Variants in TG observed in about 807,000 individuals in gnomAD.
The protein encoded by TG is thyroid hormones.
In TG, 270 loss-of-function variants were observed where a neutral mutation model predicts 324.7. The observed-to-expected ratio is 0.83, with a 90% CI of 0.75 to 0.92. The LOEUF (loss-of-function observed/expected upper bound fraction) is 0.92, where lower values mean the gene tolerates loss of function less well. TG is among the 40% of genes least tolerant of loss of function. The pLI is 0.00. For missense variants in TG, 3,591 were observed against 3,456.4 expected (o/e 1.04, Z -0.98); for synonymous variants, 1,401 against 1,327.0 (o/e 1.06, Z -1.21).
rs145135247 is a variant in TG, at chr8:133,087,992, G to A, written c.7240-7052G>A. On this transcript the variant is annotated intron_variant, in intron 41 of 47. Coordinates refer to ENST00000220616, the MANE Select transcript of TG (RefSeq NM_003235.5). ...AATTCTTCTTGGAATGAAGTGGGCC[G>A]TACACAGAAGAATGATTAAGAAAGT... 3.0e-4 allele frequency among the ~76,000 whole-genome samples: 45 copies of A among 152,310 alleles called. No homozygotes were observed. The East Asian group carries it at 6.2e-3, about 21-fold the overall frequency.
intron 10 of TG, among the ~76,000 whole-genome samples, chr8:132,890,650 T>A (rs1816098751): frequency 6.6e-6 from 1 of 152,252 alleles, no homozygotes; most frequent in South Asian, 2.1e-4. Flanking sequence ...CTTAGAGTCA[T>A]CTGTAAAATC....
intron 41 of TG, among the ~76,000 whole-genome samples, chr8:133,032,099 G>A (rs1384355502): frequency 2.0e-5 from 3 of 152,246 alleles, no homozygotes; most frequent in East Asian, 3.9e-4. Flanking sequence ...CTTAGAGTCC[G>A]TGGATGTGCC....
intron 41 of TG, among the ~76,000 whole-genome samples, chr8:133,093,649 G>T (rs1332209008): frequency 5.9e-5 from 9 of 152,174 alleles, no homozygotes; most frequent in Non-Finnish European, 1.3e-4. Flanking sequence ...GCCACTGGCT[G>T]AGATTCTGAC....
At chr8:133,050,415 T>C (rs879496496) in intron 41 of TG, 1 of 256,792 alleles carries the variant, frequency 3.9e-6, no homozygotes, top group Non-Finnish European at 7.6e-6. Context: ...TGAATCAGAC[T>C]GCAGAGGTAA....
chr8:132,938,002 G>GAGC (rs1823862720), intron 25 of TG, among the ~76,000 whole-genome samples: 1 of 152,074 alleles, frequency 6.6e-6, no homozygotes, highest in African/African-American at 2.4e-5. Flanking sequence ...GGAGGAGGAG[G>GAGC]GGAGGAGGAG....
intron 41 of TG, among the ~76,000 whole-genome samples, chr8:133,033,789 T>A (rs1836844708): frequency 6.6e-6 from 1 of 152,230 alleles, no homozygotes; most frequent in Non-Finnish European, 1.5e-5. Flanking sequence ...AAGGAAAGAA[T>A]CTCACCTTAG....
At chr8:132,944,772 G>C (rs995604056) in intron 26 of TG, among the ~76,000 whole-genome samples, 13 of 152,204 alleles carry the variant, frequency 8.5e-5, no homozygotes, top group Non-Finnish European at 1.5e-5. Context: ...TTGAAAACAT[G>C]TAATAAGTCT....
chr8:133,022,244 C>T, intron 40 of TG, 94 bp downstream of exon 40: 1 of 1,552,954 alleles, frequency 6.4e-7, no homozygotes, highest in Non-Finnish European at 8.9e-7. Flanking sequence ...CCCTGCTCCT[C>T]CTCCAGCCAA....
chr8:132,974,337 C>A (rs1829935805), intron 34 of TG, among the ~76,000 whole-genome samples: 1 of 152,144 alleles, frequency 6.6e-6, no homozygotes, highest in African/African-American at 2.4e-5. Flanking sequence ...CCAAAGTAGG[C>A]AAAGAGAGAA....
chr8:132,973,988 C>CT (rs869164425), intron 34 of TG, among the ~76,000 whole-genome samples: 9,925 of 112,970 alleles, frequency 0.088, 699 homozygotes, highest in African/African-American at 0.16. Flanking sequence ...TTGACCATTC[C>CT]TTTTTTTTTT....
rs1230649071 is a variant in TG at position 132,886,667 on chromosome 8, A to G, written c.1295A>G (p.Gln432Arg). ...LRPMVEGQSQ[Q>R]FSVSENLLKE... ...CCAATGGTGGAGGGACAGAGCCAAC[A>G]GTTTTCTGTCTCAGAAAATCTTCTC... The change falls in exon 9 of 48, where the codon CAG becomes CGG. Residue 432 changes from glutamine (Q) to arginine (R), a missense_variant. Gln to Arg is a conservative substitution (Grantham distance 43). Transcript: ENST00000220616. 4 of 1,614,104 alleles carry G rather than the reference A, an allele frequency of 2.5e-6. No homozygotes were observed. The highest frequency in any genetic ancestry group is 3.4e-6 in the Non-Finnish European group (4 of 1,180,060).
intron 41 of TG, among the ~76,000 whole-genome samples, chr8:133,080,094 A>G (rs1564163527): frequency 6.6e-6 from 1 of 151,888 alleles, no homozygotes; most frequent in Non-Finnish European, 1.5e-5. Flanking sequence ...AGTAAGAGGA[A>G]CTCTCCCCTT....
At chr8:132,897,323 A>C (rs189387790) in intron 11 of TG, among the ~76,000 whole-genome samples, 2 of 152,336 alleles carry the variant, frequency 1.3e-5, no homozygotes, top group East Asian at 3.9e-4. Context: ...ATAACATATG[A>C]GTATAGAGCC....
intron 40 of TG, among the ~76,000 whole-genome samples, chr8:133,027,332 G>C (rs1836190919): frequency 6.6e-6 from 1 of 152,246 alleles, no homozygotes; most frequent in Admixed American, 6.5e-5. Flanking sequence ...GTTAGTGCAG[G>C]CCTGGAGGGC....
At chr8:133,073,208 A>G (rs947426066) in intron 41 of TG, 1 of 152,234 alleles carries the variant, frequency 6.6e-6, no homozygotes, top group African/African-American at 2.4e-5. Flanking sequence ...TTACGGCACA[A>G]TCTTTCTATG....
At chr8:132,933,955 G>T (rs188721707) in intron 24 of TG, among the ~76,000 whole-genome samples, 1 of 152,134 alleles carries the variant, frequency 6.6e-6, no homozygotes. Flanking sequence ...ATCAGGCAGT[G>T]TGGGCAAGAT....
chr8:133,007,045 G>A (rs1834072645), intron 35 of TG, among the ~76,000 whole-genome samples: 2 of 152,152 alleles, frequency 1.3e-5, no homozygotes, highest in East Asian at 1.9e-4. Context: ...ATTTGTTGAA[G>A]TGTTGACTGG....
chr8:133,051,526 G>A (rs1315948054), intron 41 of TG, among the ~76,000 whole-genome samples: 4 of 152,108 alleles, frequency 2.6e-5, no homozygotes, highest in African/African-American at 9.7e-5. Context: ...AAGGCCCCAC[G>A]CTGGGCATCT....
At chr8:133,054,244 G>A (rs1840939757) in intron 41 of TG, among the ~76,000 whole-genome samples, 1 of 152,130 alleles carries the variant, frequency 6.6e-6, no homozygotes, top group Admixed American at 6.5e-5. Flanking sequence ...GAAGAGGAGA[G>A]TTGAGGAAGT....
Sources: allele counts gnomAD v4.1 joint callset (sites outside exome capture counted in the v4.1 genomes callset), GRCh38; gene constraint gnomAD v4.1.1; transcripts MANE v1.5; gene names NCBI Gene and HGNC (gene_info 2026-07-23, HGNC 2026-07-21).